Variants in EXOC2 observed in about 807,000 individuals in gnomAD.
EXOC2 encodes the protein exocyst complex component 2.
A neutral mutation model predicts 131.8 loss-of-function variants in EXOC2; 70 were observed. That is an observed-to-expected ratio of 0.53 (90% CI 0.44 to 0.65). EXOC2 has a LOEUF of 0.65. EXOC2 is among the 30% of genes least tolerant of loss of function. EXOC2 has a pLI of 0.00. For synonymous variants in EXOC2, 411 were observed against 398.4 expected, an observed-to-expected ratio of 1.03 and a Z score of -0.38; for missense variants, 923 against 1,108.6, an observed-to-expected ratio of 0.83 and a Z score of 2.38.
intron 1 of EXOC2, among the ~76,000 whole-genome samples, chr6:646,736 T>C (rs1164539331): frequency 1.3e-5 from 2 of 152,246 alleles, no homozygotes; most frequent in Non-Finnish European, 2.9e-5. Context: ...TGTTTCAGAA[T>C]TATTATTTTA....
chr6:541,227 C>T (rs952109828), intron 22 of EXOC2, among the ~76,000 whole-genome samples: 1 of 152,088 alleles, frequency 6.6e-6, no homozygotes. Flanking sequence ...AATCATACTT[C>T]TAGCCAAGAC....
At chr6:688,285 C>A (rs542608460) in intron 1 of EXOC2, among the ~76,000 whole-genome samples, 1 of 152,286 alleles carries the variant, frequency 6.6e-6, no homozygotes, top group African/African-American at 2.4e-5. Flanking sequence ...TCCTTGATGG[C>A]CCAGCTGAGC....
chr6:556,061 G>C lies in EXOC2; in HGVS notation c.1933-48C>G, dbSNP rs200361140. On this transcript the variant is annotated intron_variant, in intron 18 of 27. Transcript: ENST00000230449. ...AAATTTTTGGACTTTGCTAAGAAAA[G>C]GTTTTTGTATATGAAGTTAGATATG... The C allele has an allele frequency of 1.0e-5, 16 of 1,561,276 alleles. No individual in the cohort carries two copies. The Admixed American group carries it at 1.7e-4, about 17-fold the overall frequency.
At chr6:518,282 C>T (rs1765269567) in intron 23 of EXOC2, among the ~76,000 whole-genome samples, 1 of 151,998 alleles carries the variant, frequency 6.6e-6, no homozygotes, top group Non-Finnish European at 1.5e-5. Context: ...GGGCACAGAT[C>T]AGACAAGACT....
At chr6:661,745 CA>C (rs935723605) in intron 1 of EXOC2, among the ~76,000 whole-genome samples, 3 of 150,872 alleles carry the variant, frequency 2.0e-5, no homozygotes, top group Non-Finnish European at 3.0e-5. Context: ...CAAAAACAAA[CA>C]AAAAAAAAGT....
At chr6:639,005 G>T (rs1330482396) in intron 1 of EXOC2, among the ~76,000 whole-genome samples, 3 of 152,092 alleles carry the variant, frequency 2.0e-5, no homozygotes, top group Admixed American at 1.3e-4. Context: ...TGCCCCAGAA[G>T]GTGGGGTGAG....
At chr6:665,184 G>C (rs1353663245) in intron 1 of EXOC2, among the ~76,000 whole-genome samples, 1 of 152,178 alleles carries the variant, frequency 6.6e-6, no homozygotes, top group Non-Finnish European at 1.5e-5. Context: ...TGAAAAAAAT[G>C]CTCAGCATCA....
chr6:545,020 G>A (rs1756763013), intron 22 of EXOC2, among the ~76,000 whole-genome samples: 1 of 151,168 alleles, frequency 6.6e-6, no homozygotes, highest in East Asian at 1.9e-4. Context: ...AGTGGCGGGT[G>A]CCTGTAGTCC....
At chr6:625,518 C>CTTTTTTTTTTTTTTTTTTTTTTTT (rs796295514) in intron 4 of EXOC2, among the ~76,000 whole-genome samples, 2 of 108,058 alleles carry the variant, frequency 1.9e-5, no homozygotes, top group Non-Finnish European at 3.8e-5. Flanking sequence ...TGTTTCCGTT[C>CTTTTTTTTTTTTTTTTTTTTTTTT]TTTTTTTTTT....
intron 1 of EXOC2, among the ~76,000 whole-genome samples, chr6:671,406 T>C (rs1041631726): frequency 1.3e-5 from 2 of 151,982 alleles, no homozygotes; most frequent in African/African-American, 4.8e-5. Flanking sequence ...AACAATTCAT[T>C]ACATTCCACA....
At chr6:497,292 G>C (rs1335295406) in intron 25 of EXOC2, 75 bp downstream of exon 25, 8 of 1,405,422 alleles carry the variant, frequency 5.7e-6, no homozygotes, top group Non-Finnish European at 8.0e-6. Flanking sequence ...CATATCATAA[G>C]ATTGATGACT....
intron 23 of EXOC2, among the ~76,000 whole-genome samples, chr6:501,164 TATTATATATATC>T (rs1363124723): frequency 2.3e-5 from 1 of 43,440 alleles, no homozygotes; most frequent in East Asian, 6.8e-4. Flanking sequence ...TATCTATATA[TATTATATATATC>T]TATATATTAT....
At chr6:545,588 A>G (rs371393284) in intron 22 of EXOC2, among the ~76,000 whole-genome samples, 13 of 152,362 alleles carry the variant, frequency 8.5e-5, no homozygotes, top group African/African-American at 3.1e-4. Context: ...GCAAATTAAA[A>G]TACAATGAAA....
chr6:691,745 A>C (rs948434845), intron 1 of EXOC2, among the ~76,000 whole-genome samples: 1 of 152,234 alleles, frequency 6.6e-6, no homozygotes, highest in African/African-American at 2.4e-5. Context: ...TCAAAATGGC[A>C]TTCAATACAG....
At position 637,837 on chromosome 6, in the gene EXOC2, C is replaced by G; in HGVS notation, c.-19G>C. 6.2e-7 allele frequency: 1 copy of G among 1,605,216 alleles called. No homozygotes were observed. The highest frequency in any genetic ancestry group is 8.5e-7 in the Non-Finnish European group (1 of 1,173,400). On this transcript the variant is annotated 5_prime_UTR_variant, in exon 2 of 28. Transcript: ENST00000230449. ...GAGACATTGTGCTTTGTGGAGCAAA[C>G]TGGTGATCCTGTTAGAGAAGTAATC... is the stretch of plus-strand genomic sequence containing the variant.
intron 17 of EXOC2, among the ~76,000 whole-genome samples, chr6:558,482 G>A (rs1757536081): frequency 6.6e-6 from 1 of 152,086 alleles, no homozygotes; most frequent in African/African-American, 2.4e-5. Context: ...CTATAATATT[G>A]ACAATCGAAT....
chr6:646,271 C>T (rs1762575704), intron 1 of EXOC2, among the ~76,000 whole-genome samples: 1 of 151,914 alleles, frequency 6.6e-6, no homozygotes, highest in African/African-American at 2.4e-5. Flanking sequence ...ATTTAGGAGT[C>T]AAGGAATGAT....
chr6:616,806 G>A (rs186528644), intron 6 of EXOC2, among the ~76,000 whole-genome samples: 2,692 of 151,086 alleles, frequency 0.018, 77 homozygotes, highest in African/African-American at 0.061. Flanking sequence ...GCAGTGGCGC[G>A]ATCTCGGCTC....
At chr6:638,843 T>G (rs1272998847) in intron 1 of EXOC2, among the ~76,000 whole-genome samples, 4 of 152,080 alleles carry the variant, frequency 2.6e-5, no homozygotes, top group African/African-American at 9.7e-5. Flanking sequence ...GCAAGAGAAC[T>G]GCTTGAACCC....
Sources: gnomAD v4.1 joint callset for allele counts (sites outside exome capture counted in the v4.1 genomes callset) on GRCh38, gnomAD v4.1.1 for gene constraint, MANE v1.5 for transcripts, NCBI Gene and HGNC (gene_info 2026-07-23, HGNC 2026-07-21) for gene names.